The following MARCHF1 variants were observed in gnomAD, a reference collection of about 807,000 sequenced individuals.
MARCHF1 encodes the protein membrane associated ring-CH-type finger 1.
A neutral mutation model predicts 54.2 loss-of-function variants in MARCHF1; 40 were observed. That is an observed-to-expected ratio of 0.74 (90% CI 0.57 to 0.96). The LOEUF is 0.96. Among genes scored for constraint, MARCHF1 ranks in the 40% least tolerant of loss-of-function variants. MARCHF1 has a pLI of 0.00. For synonymous variants in MARCHF1, 236 were observed against 236.3 expected (o/e 1.00, Z 0.01); for missense variants, 586 against 656.5 (o/e 0.89, Z 1.17).
chr4:163,810,602 T>A (rs985644390), intron 4 of MARCHF1, among the ~76,000 whole-genome samples: 9 of 152,152 alleles, frequency 5.9e-5, no homozygotes, highest in Non-Finnish European at 1.0e-4. Context: ...ATGTGACAAA[T>A]TTTTTTAAGT....
At chr4:164,088,871 G>A (rs1755243815) in intron 2 of MARCHF1, among the ~76,000 whole-genome samples, 1 of 151,886 alleles carries the variant, frequency 6.6e-6, no homozygotes, top group African/African-American at 2.4e-5. Flanking sequence ...TATACAATAG[G>A]GATTATTTTC....
intron 1 of MARCHF1, among the ~76,000 whole-genome samples, chr4:164,222,368 T>A (rs920974058): frequency 4.6e-5 from 7 of 151,944 alleles, no homozygotes; most frequent in Non-Finnish European, 8.8e-5. Context: ...CAAAAAGACA[T>A]CACAGAAATG....
At chr4:164,073,864 C>T (rs981413210) in intron 2 of MARCHF1, among the ~76,000 whole-genome samples, 5 of 151,792 alleles carry the variant, frequency 3.3e-5, no homozygotes, top group Non-Finnish European at 5.9e-5. Flanking sequence ...AGTGCAGTGG[C>T]GCAATTTCGG....
chr4:164,099,980 A>T (rs1305800078), intron 2 of MARCHF1, among the ~76,000 whole-genome samples: 1 of 152,210 alleles, frequency 6.6e-6, no homozygotes, highest in Non-Finnish European at 1.5e-5. Flanking sequence ...TAAATAAATA[A>T]AATTCCATCA....
chr4:163,940,076 T>C (rs1228746669), intron 3 of MARCHF1, among the ~76,000 whole-genome samples: 1 of 152,080 alleles, frequency 6.6e-6, no homozygotes, highest in African/African-American at 2.4e-5. Flanking sequence ...ATTTTCTTCC[T>C]CTCTCCACTC....
At chr4:163,656,405 C>T (rs568547163) in intron 5 of MARCHF1, among the ~76,000 whole-genome samples, 1 of 152,002 alleles carries the variant, frequency 6.6e-6, no homozygotes, top group South Asian at 2.1e-4. Context: ...GAAATTGAGG[C>T]AGTAATTAAT....
intron 1 of MARCHF1, among the ~76,000 whole-genome samples, chr4:164,309,222 A>G (rs943281713): frequency 2.7e-5 from 4 of 146,004 alleles, no homozygotes; most frequent in Non-Finnish European, 4.5e-5. Context: ...TTATAACTCC[A>G]GGCAACTCCC....
At chr4:164,114,294 G>C (rs1263728291) in intron 1 of MARCHF1, among the ~76,000 whole-genome samples, 1 of 151,374 alleles carries the variant, frequency 6.6e-6, no homozygotes, top group Admixed American at 6.6e-5. Context: ...TAATGCACTG[G>C]TTATATTTAA....
chr4:164,100,494 T>C (rs529621212), intron 2 of MARCHF1, among the ~76,000 whole-genome samples: 2 of 152,314 alleles, frequency 1.3e-5, no homozygotes, highest in African/African-American at 4.8e-5. Context: ...ATAAGTAGAA[T>C]TGCCAGCAAT....
At chr4:163,780,266 T>G (rs1295649266) in intron 4 of MARCHF1, among the ~76,000 whole-genome samples, 1 of 152,118 alleles carries the variant, frequency 6.6e-6, no homozygotes, top group Non-Finnish European at 1.5e-5. Context: ...GCTGTGACAA[T>G]AGAAAGAAAA....
intron 1 of MARCHF1, among the ~76,000 whole-genome samples, chr4:164,220,057 T>G (rs116491039): frequency 0.017 from 2,531 of 151,934 alleles, 63 homozygotes; most frequent in African/African-American, 0.057. Flanking sequence ...CTAACATTTT[T>G]AAAGCCTTTA....
chr4:164,142,607 G>C (rs987657566), intron 1 of MARCHF1, among the ~76,000 whole-genome samples: 8 of 152,160 alleles, frequency 5.3e-5, no homozygotes, highest in South Asian at 2.1e-4. Context: ...CTGCAGCTGA[G>C]GGTCCTGTCT....
At chr4:164,140,650 A>G (rs1399799199) in intron 1 of MARCHF1, among the ~76,000 whole-genome samples, 1 of 152,040 alleles carries the variant, frequency 6.6e-6, no homozygotes, top group African/African-American at 2.4e-5. Flanking sequence ...ACAGCACCCA[A>G]CTAAAGTCTT....
rs76702986 is a variant in MARCHF1, at chr4:164,118,798, C to G, written c.-322-7136G>C. Among the ~76,000 whole-genome samples the G allele has an allele frequency of 1.1e-3, 160 of 150,120 alleles. 3 individuals carry two copies. In the East Asian group the frequency reaches 0.022, roughly 21 times the overall value. On this transcript the variant is annotated intron_variant, in intron 1 of 9. Transcript: ENST00000514618. ...GAAATAAGAAAGTAAAATTCAGGTC[C>G]AAAAACACTAAAACAGGTAACAACA...
At chr4:163,850,240 G>T (rs1192618350) in intron 4 of MARCHF1, among the ~76,000 whole-genome samples, 1 of 152,166 alleles carries the variant, frequency 6.6e-6, no homozygotes, top group Non-Finnish European at 1.5e-5. Flanking sequence ...CAGGGGTCTG[G>T]GTCCTAGATC....
At chr4:164,259,663 C>A (rs528437817) in intron 1 of MARCHF1, among the ~76,000 whole-genome samples, 1 of 150,880 alleles carries the variant, frequency 6.6e-6, no homozygotes, top group East Asian at 1.9e-4. Flanking sequence ...TACTATTAAG[C>A]TGTTGTTTAG....
In MARCHF1 at chr4:163,621,080, T is replaced by C. The variant is rs562936072; in HGVS notation, c.163-7687A>G. Among the ~76,000 whole-genome samples the C allele has an allele frequency of 1.2e-4, 18 of 152,300 alleles. No homozygotes were observed. In the East Asian group the frequency reaches 3.1e-3, roughly 26 times the overall value. ...CAATAATAACATCCACATAAAAGGA[T>C]TGTGAGGATAATAACATGAAATCAT... On this transcript the variant is annotated intron_variant, in intron 5 of 9. Transcript: ENST00000514618.
intron 1 of MARCHF1, among the ~76,000 whole-genome samples, chr4:164,128,008 C>T (rs958570071): frequency 2.6e-5 from 4 of 152,016 alleles, no homozygotes; most frequent in African/African-American, 9.7e-5. Context: ...CATGAATAGA[C>T]ATAGAGTAGA....
chr4:164,048,778 T>C (rs1383066473), intron 2 of MARCHF1, among the ~76,000 whole-genome samples: 4 of 152,170 alleles, frequency 2.6e-5, no homozygotes, highest in Non-Finnish European at 2.9e-5. Flanking sequence ...CTTACATTAA[T>C]TGGCAGAGTA....
Sources: allele counts gnomAD v4.1 joint callset (sites outside exome capture counted in the v4.1 genomes callset), GRCh38; gene constraint gnomAD v4.1.1; transcripts MANE v1.5; gene names NCBI Gene and HGNC (gene_info 2026-07-23, HGNC 2026-07-21).